Variants in RDX observed in about 807,000 individuals in gnomAD.
The protein encoded by RDX is deafness, autosomal recessive 24.
RDX carries 32 observed loss-of-function variants against 83.7 expected under a neutral mutation model. The observed-to-expected ratio is 0.38, with a 90% confidence interval of 0.29 to 0.51. RDX has a LOEUF of 0.51. RDX is among the 20% of genes least tolerant of loss of function. The pLI is 0.87. For missense variants in RDX, 600 were observed against 689.9 expected (o/e 0.87, Z 1.46); for synonymous variants, 229 against 222.7 (o/e 1.03, Z -0.25).
intron 14 of RDX, among the ~76,000 whole-genome samples, chr11:110,215,040 A>AC (rs1863986073): frequency 1.2e-5 from 1 of 80,220 alleles, no homozygotes; most frequent in Admixed American, 1.3e-4. Flanking sequence ...ACCTAACAAA[A>AC]AAAAAAAAAA....
chr11:110,266,282 G>A (rs1419272666), intron 3 of RDX, among the ~76,000 whole-genome samples: 19 of 151,764 alleles, frequency 1.3e-4, no homozygotes, highest in Admixed American at 1.2e-3. Flanking sequence ...GCAGTGAGCC[G>A]AGATCGTGCC....
At chr11:110,219,717 G>C (rs537307732) in intron 14 of RDX, among the ~76,000 whole-genome samples, 1 of 152,286 alleles carries the variant, frequency 6.6e-6, no homozygotes, top group African/African-American at 2.4e-5. Flanking sequence ...ACTGAGAAGG[G>C]GAAGACTGAG....
intron 14 of RDX, among the ~76,000 whole-genome samples, chr11:110,209,034 C>T (rs567145457): frequency 2.6e-5 from 4 of 152,308 alleles, no homozygotes; most frequent in South Asian, 2.1e-4. Context: ...CCAGCGTGAG[C>T]GACGCAGAAG....
At chr11:110,239,281 C>A (rs1186689751) in intron 10 of RDX, among the ~76,000 whole-genome samples, 1 of 150,124 alleles carries the variant, frequency 6.7e-6, no homozygotes, top group Non-Finnish European at 1.5e-5. Flanking sequence ...GGACATTGGT[C>A]TAGGCAAAGA....
chr11:110,209,421 C>T (rs1422931626), intron 14 of RDX, among the ~76,000 whole-genome samples: 4 of 151,896 alleles, frequency 2.6e-5, no homozygotes, highest in Admixed American at 1.3e-4. Context: ...GAGGGGCGCC[C>T]GCCATTGCCC....
At chr11:110,250,774 GT>G (rs1859301915) in intron 9 of RDX, among the ~76,000 whole-genome samples, 2 of 152,154 alleles carry the variant, frequency 1.3e-5, no homozygotes, top group South Asian at 4.1e-4. Context: ...TTTAAAACAT[GT>G]TGTAGTTTAC....
At chr11:110,268,974 T>C (rs994340864) in intron 3 of RDX, among the ~76,000 whole-genome samples, 2 of 149,510 alleles carry the variant, frequency 1.3e-5, no homozygotes, top group African/African-American at 2.4e-5. Context: ...TATATACATA[T>C]ATATATATTT....
intron 2 of RDX, among the ~76,000 whole-genome samples, chr11:110,277,600 G>A (rs539641098): frequency 5.3e-5 from 8 of 151,920 alleles, no homozygotes; most frequent in Admixed American, 3.3e-4. Flanking sequence ...GATTACAGGC[G>A]TGATTTACCA....
chr11:110,279,768 A>T lies in RDX; in HGVS notation c.-64-12T>A, dbSNP rs572431088. On this transcript the variant is annotated splice_polypyrimidine_tract_variant and intron_variant, in intron 1 of 13. Coordinates refer to ENST00000645495, the MANE Select transcript of RDX (RefSeq NM_002906.4). ...TCTGTTATCACTTTCTGTTAAAAAA[A>T]AAAAAGCATAATCTATTATCTTTTT... 3.4e-6 allele frequency: 3 copies of T among 880,874 alleles called. No homozygotes were observed. The African/African-American group carries it at 5.1e-5, about 15-fold the overall frequency. 54.6% of individuals were successfully genotyped at this position (880,874 alleles called of 1,614,324 possible).
At chr11:110,210,961 A>T (rs1217496017) in intron 14 of RDX, among the ~76,000 whole-genome samples, 1 of 152,190 alleles carries the variant, frequency 6.6e-6, no homozygotes, top group Non-Finnish European at 1.5e-5. Flanking sequence ...AGCTAACATC[A>T]TAATGACAGG....
chr11:110,194,849 T>C (rs1213429042), intron 15 of RDX, among the ~76,000 whole-genome samples: 1 of 152,232 alleles, frequency 6.6e-6, no homozygotes, highest in African/African-American at 2.4e-5. Context: ...TCCTATGTCA[T>C]GTTGGCATAT....
intron 1 of RDX, among the ~76,000 whole-genome samples, chr11:110,290,700 A>G (rs1046697385): frequency 6.6e-6 from 1 of 152,224 alleles, no homozygotes; most frequent in Admixed American, 6.5e-5. Flanking sequence ...TTTTCCGTAA[A>G]GGGCCAGGTA....
At chr11:110,214,489 G>C (rs1190664705) in intron 14 of RDX, among the ~76,000 whole-genome samples, 1 of 133,442 alleles carries the variant, frequency 7.5e-6, no homozygotes, top group Admixed American at 8.0e-5. Context: ...TCCCATTACT[G>C]GGTATATACC....
At chr11:110,208,024 T>C (rs1195911103) in intron 14 of RDX, among the ~76,000 whole-genome samples, 1 of 151,868 alleles carries the variant, frequency 6.6e-6, no homozygotes, top group Non-Finnish European at 1.5e-5. Context: ...GGGCACCATA[T>C]TGCCCAGGCT....
chr11:110,248,141 C>G (rs1859195122), intron 9 of RDX, among the ~76,000 whole-genome samples: 1 of 152,040 alleles, frequency 6.6e-6, no homozygotes. Context: ...GTGTACATTG[C>G]TCGAGTGACA....
chr11:110,229,135 CA>C (rs1482709765), downstream of RDX, among the ~76,000 whole-genome samples: 9 of 151,896 alleles, frequency 5.9e-5, no homozygotes. Flanking sequence ...CAATCAATGA[CA>C]AGAAACTGTA....
chr11:110,225,513 C>G (rs1316743088), downstream of RDX, among the ~76,000 whole-genome samples: 1 of 152,110 alleles, frequency 6.6e-6, no homozygotes, highest in African/African-American at 2.4e-5. Context: ...AGTCTAACTT[C>G]TTTTATGATT....
At chr11:110,176,045 T>C (rs1183502640) in intron 15 of RDX, among the ~76,000 whole-genome samples, 1 of 150,864 alleles carries the variant, frequency 6.6e-6, no homozygotes, top group Non-Finnish European at 1.5e-5. Flanking sequence ...CGGGTGTGGG[T>C]GAGGGCGCAC....
At chr11:110,241,942 T>A (rs1256007542) in intron 10 of RDX, among the ~76,000 whole-genome samples, 2 of 152,048 alleles carry the variant, frequency 1.3e-5, no homozygotes, top group East Asian at 1.9e-4. Context: ...AGACAAATAC[T>A]GTATGATACC....
Sources: gnomAD v4.1 joint callset for allele counts (sites outside exome capture counted in the v4.1 genomes callset) on GRCh38, gnomAD v4.1.1 for gene constraint, MANE v1.5 for transcripts, NCBI Gene and HGNC (gene_info 2026-07-23, HGNC 2026-07-21) for gene names.